The following CDH23 variants were observed in gnomAD, a reference collection of about 807,000 sequenced individuals.
CDH23 encodes cadherin related 23.
In CDH23, 189 loss-of-function variants were observed where a neutral mutation model predicts 317.1. The observed-to-expected ratio is 0.60, with a 90% CI of 0.53 to 0.67. CDH23 has a LOEUF of 0.67. Ranked by LOEUF, CDH23 falls within the 30% of genes least tolerant of loss-of-function variation. The pLI, the probability that CDH23 is intolerant of heterozygous loss-of-function variation, is 0.00. For missense variants in CDH23, 4,401 were observed against 4,592.4 expected (o/e 0.96, Z 1.20); for synonymous variants, 1,839 against 1,876.8 (o/e 0.98, Z 0.52).
chr10:71,665,899 A>G (rs1863872239), intron 14 of CDH23, among the ~76,000 whole-genome samples: 1 of 152,216 alleles, frequency 6.6e-6, no homozygotes, highest in African/African-American at 2.4e-5. Flanking sequence ...AGAGAGTCCA[A>G]CAGGATAGCA....
Position 71,725,627 on chromosome 10 carries a change from G to C in CDH23, c.3579+107G>C, listed in dbSNP as rs958071450. On this transcript the variant is annotated intron_variant, in intron 30 of 69. Coordinates refer to ENST00000224721, the MANE Select transcript of CDH23 (RefSeq NM_022124.6). ...GCCTGGTGTGGGCAGGGCCACCACT[G>C]ATTTAGGTGCTGAATGACATCTGGG... The C allele has an allele frequency of 1.2e-5, 16 of 1,293,960 alleles. No individual in the cohort carries two copies. The East Asian group carries it at 4.1e-4, about 33-fold the overall frequency. 80.2% of individuals were successfully genotyped at this position (1,293,960 alleles called of 1,614,324 possible).
intron 11 of CDH23, among the ~76,000 whole-genome samples, chr10:71,626,312 C>A (rs778707227): frequency 1.3e-5 from 2 of 152,166 alleles, no homozygotes; most frequent in Non-Finnish European, 2.9e-5. Context: ...GCTCCCCACT[C>A]GGGCCTTTAC....
chr10:71,720,598 T>G (rs1687798812), intron 28 of CDH23, among the ~76,000 whole-genome samples: 2 of 152,198 alleles, frequency 1.3e-5, no homozygotes, highest in South Asian at 4.1e-4. Flanking sequence ...CATGGCCCTG[T>G]CCAAGACCTG....
intron 6 of CDH23, among the ~76,000 whole-genome samples, chr10:71,541,713 CAG>C (rs1450766835): frequency 1.3e-5 from 2 of 152,122 alleles, no homozygotes; most frequent in Non-Finnish European, 2.9e-5. Flanking sequence ...TATAAAGGGC[CAG>C]AGAGTAAATG....
At chr10:71,703,239 T>G (rs1474442390) in intron 24 of CDH23, among the ~76,000 whole-genome samples, 1 of 152,170 alleles carries the variant, frequency 6.6e-6, no homozygotes, top group African/African-American at 2.4e-5. Context: ...GGTGCTGGTT[T>G]AGGGGAGATG....
chr10:71,594,375 C>G (rs373729653), intron 9 of CDH23, among the ~76,000 whole-genome samples: 79 of 152,026 alleles, frequency 5.2e-4, no homozygotes, highest in Middle Eastern at 3.4e-3. Context: ...CTCTCTCTCT[C>G]TGTCTCTCTT....
chr10:71,669,521 C>T (rs1227293373), intron 14 of CDH23, among the ~76,000 whole-genome samples: 2 of 151,286 alleles, frequency 1.3e-5, no homozygotes, highest in Non-Finnish European at 2.9e-5. Flanking sequence ...CATCTCTGCT[C>T]ACTGCAACCT....
rs1465534893 is a variant in CDH23, at chr10:71,680,833, T to TC, written c.1858+1341_1858+1342insC. ...TTCTTTTTTTTTTTTCTTTTTCTTT[T>TC]TTTTTTTTTTTTTGAGACAGAGTTT... On this transcript the variant is annotated intron_variant, in intron 17 of 69. Coordinates refer to ENST00000224721, the MANE Select transcript of CDH23 (RefSeq NM_022124.6). 1.1e-4 allele frequency among the ~76,000 whole-genome samples: 15 copies of TC among 137,852 alleles called. 1 individual carries two copies. Among genetic ancestry groups the TC allele is most frequent in the African/African-American group, 3.9e-4 (15 of 38,316 alleles). The allele number at this position is 137,852 out of a possible 152,430, so 90.4% of individuals were successfully genotyped here.
At chr10:71,417,556 A>G (rs1238507599) in intron 1 of CDH23, among the ~76,000 whole-genome samples, 1 of 152,198 alleles carries the variant, frequency 6.6e-6, no homozygotes, top group Non-Finnish European at 1.5e-5. Flanking sequence ...CACATGTACT[A>G]GATATTTTCA....
chr10:71,571,054 G>A (rs1857767219), intron 8 of CDH23, 136 bp downstream of exon 8: 3 of 931,380 alleles, frequency 3.2e-6, no homozygotes, highest in Non-Finnish European at 1.6e-6. Context: ...TGGCAGTGAT[G>A]AGTGTTCTGG....
At chr10:71,532,524 A>G (rs1261622479) in intron 6 of CDH23, among the ~76,000 whole-genome samples, 2 of 152,104 alleles carry the variant, frequency 1.3e-5, no homozygotes, top group Non-Finnish European at 2.9e-5. Flanking sequence ...TGTGCCAGCC[A>G]GGCACACCCC....
intron 11 of CDH23, among the ~76,000 whole-genome samples, chr10:71,635,896 C>T (rs1043779986): frequency 7.2e-5 from 11 of 151,974 alleles, no homozygotes; most frequent in Non-Finnish European, 1.2e-4. Context: ...CTGGTGAGGG[C>T]CTGCTTCCCA....
chr10:71,578,521 G>A lies in CDH23; in HGVS notation c.832+529G>A, dbSNP rs554817003. Among the ~76,000 whole-genome samples, 42 of 152,220 alleles carry A rather than the reference G, an allele frequency of 2.8e-4. No homozygotes were observed. The South Asian group carries it at 8.1e-3, about 29-fold the overall frequency. ...GGGGGGGAACATCAGCCCCCTTGCCGCCCAGCTGCCTTGGTTGAGCAGAAT... is the reference window on the plus strand; with the variant it reads ...GGGGGGGAACATCAGCCCCCTTGCCACCCAGCTGCCTTGGTTGAGCAGAAT... On this transcript the variant is annotated intron_variant, in intron 9 of 69. Transcript: ENST00000224721.
chr10:71,511,382 T>C (rs1853976652), intron 6 of CDH23, among the ~76,000 whole-genome samples, 170 bp downstream of exon 6: 1 of 152,086 alleles, frequency 6.6e-6, no homozygotes, highest in African/African-American at 2.4e-5. Flanking sequence ...ACCCTGGGAA[T>C]CGGGGCCCAG....
chr10:71,680,605 A>G (rs1453709431), intron 17 of CDH23, among the ~76,000 whole-genome samples: 1 of 151,786 alleles, frequency 6.6e-6, no homozygotes, highest in African/African-American at 2.4e-5. Flanking sequence ...AAAATTGGCC[A>G]GGCGTGGTGG....
intron 28 of CDH23, chr10:71,713,372 G>C: frequency 1.4e-6 from 1 of 737,828 alleles, no homozygotes; most frequent in South Asian, 1.4e-5. Context: ...GTTGCTGGGT[G>C]GGGAGGGAGG....
At position 71,450,097 on chromosome 10, in the gene CDH23, C is replaced by T. The variant is rs1850359699; in HGVS notation, c.145+3702C>T. Among the ~76,000 whole-genome samples, 4 of 152,122 alleles carry T rather than the reference C, an allele frequency of 2.6e-5. No individual in the cohort carries two copies. In the South Asian group the frequency reaches 6.2e-4, roughly 24 times the overall value. On this transcript the variant is annotated intron_variant, in intron 3 of 69. Coordinates refer to ENST00000224721, the MANE Select transcript of CDH23 (RefSeq NM_022124.6). ...GTTGTTGGCAGCAGAGCCTGGAATG[C>T]GTGGAGTGGCGTGAGGGCAGATCAG...
Position 71,798,524 on chromosome 10 carries a change from AC to A in CDH23, c.7003del (p.Leu2335CysfsTer38), listed in dbSNP as rs1379171478. On this transcript the variant is annotated frameshift_variant, in exon 50 of 70. Coordinates refer to ENST00000224721, the MANE Select transcript of CDH23 (RefSeq NM_022124.6). LOFTEE classifies it high-confidence loss of function. ...GGGCCTTAATGGGCTGGTCACCTAC[AC>A]CCTGCTGGACCTGGTGCCCCCAGGG... ...DKGLNGLVTY[T>X]LLDLVPPGYV... 1.9e-6 allele frequency: 3 copies of A among 1,613,410 alleles called. No homozygotes were observed. Among genetic ancestry groups the A allele is most frequent in the Non-Finnish European group, 2.5e-6 (3 of 1,179,704 alleles).
intron 3 of CDH23, among the ~76,000 whole-genome samples, chr10:71,455,926 G>A (rs1384944869): frequency 6.6e-6 from 1 of 152,170 alleles, no homozygotes; most frequent in Non-Finnish European, 1.5e-5. Flanking sequence ...TACTGCTGGG[G>A]TCCGGATTGC....
Sources: gnomAD v4.1 joint callset for allele counts (sites outside exome capture counted in the v4.1 genomes callset) on GRCh38, gnomAD v4.1.1 for gene constraint, MANE v1.5 for transcripts, NCBI Gene and HGNC (gene_info 2026-07-23, HGNC 2026-07-21) for gene names.